The following ABCC1 variants were observed in gnomAD, a reference collection of about 807,000 sequenced individuals.
ABCC1 encodes the protein multidrug resistance-associated protein 1.
Under a neutral mutation model 172.9 loss-of-function variants are expected in ABCC1, and 83 were observed. The observed-to-expected ratio is 0.48, with a 90% CI of 0.40 to 0.58. ABCC1 has a LOEUF of 0.58. Ranked by LOEUF, ABCC1 falls within the 20% of genes least tolerant of loss-of-function variation. The pLI is 0.00. For missense variants in ABCC1, 1,817 were observed against 2,002.7 expected (o/e 0.91, Z 1.77); for synonymous variants, 937 against 825.2 (o/e 1.14, Z -2.32).
At chr16:15,960,243 G>A (rs933440756) in intron 1 of ABCC1, among the ~76,000 whole-genome samples, 1 of 151,664 alleles carries the variant, frequency 6.6e-6, no homozygotes, top group African/African-American at 2.4e-5. Context: ...AGCACACCCG[G>A]CTAATTTTTG....
chr16:16,036,099 G>A (rs1271956345), intron 6 of ABCC1, among the ~76,000 whole-genome samples: 2 of 151,982 alleles, frequency 1.3e-5, no homozygotes, highest in East Asian at 3.9e-4. Context: ...ACTCCATCCT[G>A]GGTGACACAG....
intron 11 of ABCC1, among the ~76,000 whole-genome samples, chr16:16,055,738 G>GT (rs1232635116): frequency 2.3e-4 from 34 of 148,446 alleles, no homozygotes; most frequent in Admixed American, 4.0e-4. Flanking sequence ...ATTTGAAGGG[G>GT]TTTTTTTTTT....
At chr16:16,106,905 C>T in intron 21 of ABCC1, 32 bp downstream of exon 21, 1 of 1,613,228 alleles carries the variant, frequency 6.2e-7, no homozygotes, top group Non-Finnish European at 8.5e-7. Context: ...ATGACAGTGG[C>T]TGGAGTTTAT....
intron 1 of ABCC1, among the ~76,000 whole-genome samples, chr16:15,989,041 C>T (rs2046802005): frequency 1.5e-5 from 2 of 133,122 alleles, no homozygotes; most frequent in Admixed American, 1.8e-4. Context: ...TACACTCCAG[C>T]CGAGGAGACA....
chr16:16,123,913 A>G (rs954814866), intron 24 of ABCC1, among the ~76,000 whole-genome samples: 2 of 152,132 alleles, frequency 1.3e-5, no homozygotes, highest in African/African-American at 4.8e-5. Context: ...GCAGCTACTC[A>G]GGCTGAGGCA....
In ABCC1 at chr16:15,999,242, T is replaced by C. The variant is rs144959220; in HGVS notation, c.49-8574T>C. ...GGATGGTCTCCATCTCCTAACCTCA[T>C]GATTCTCCCACCTTGGCCTCCCGAA... On this transcript the variant is annotated intron_variant, in intron 1 of 30. Coordinates refer to ENST00000399410, the MANE Select transcript of ABCC1 (RefSeq NM_004996.4). 1.3e-3 allele frequency among the ~76,000 whole-genome samples: 202 copies of C among 152,138 alleles called. 5 individuals are homozygous for C. The East Asian group carries it at 0.036, about 27-fold the overall frequency.
intron 27 of ABCC1, among the ~76,000 whole-genome samples, chr16:16,132,241 GTGCAGTGGTGTGATCTCAGCCCAC>G (rs2045708278): frequency 6.6e-6 from 1 of 152,128 alleles, no homozygotes; most frequent in South Asian, 2.1e-4. Context: ...CCAGGCTAGA[GTGCAGTGGTGTGATCTCAGCCCAC>G]TGCAGCGGCA....
chr16:16,083,520 A>T lies in ABCC1; in HGVS notation c.2270A>T (p.Asp757Val). 1 of 1,613,292 alleles carries T rather than the reference A, an allele frequency of 6.2e-7. No homozygotes were observed. Among genetic ancestry groups the T allele is most frequent in the Non-Finnish European group, 8.5e-7 (1 of 1,179,708 alleles). Residue 757 changes from aspartate (D) to valine (V), a missense_variant, in exon 17 of 31, where the codon GAT becomes GTT. Asp to Val is a radical substitution (Grantham distance 152). Transcript: ENST00000399410. The stretch of plus-strand genomic sequence containing the variant: ...GACCTGGAAATCCTGCCCAGTGGGG[A>T]TCGGACAGAGATTGGCGAGAAGGTC... ...LPDLEILPSG[D>V]RTEIGEKGVN... is the part of the protein sequence containing the mutation.
At chr16:15,969,367 C>CTTTTT (rs57250944) in intron 1 of ABCC1, among the ~76,000 whole-genome samples, 2 of 131,608 alleles carry the variant, frequency 1.5e-5, no homozygotes, top group Admixed American at 7.6e-5. Flanking sequence ...GCTGGTCAGT[C>CTTTTT]TTTTTTTTTT....
intron 14 of ABCC1, among the ~76,000 whole-genome samples, chr16:16,073,240 GC>G (rs1375823773): frequency 6.6e-6 from 1 of 152,026 alleles, no homozygotes; most frequent in Admixed American, 6.6e-5. Context: ...TCTGAAACTT[GC>G]CTGAGATTGC....
intron 1 of ABCC1, among the ~76,000 whole-genome samples, chr16:15,975,031 C>A (rs942015734): frequency 3.9e-5 from 6 of 152,196 alleles, no homozygotes; most frequent in Admixed American, 3.3e-4. Context: ...AAGTGATCCC[C>A]CCCAGCCTTG....
At chr16:16,034,989 C>T (rs923965570) in intron 6 of ABCC1, among the ~76,000 whole-genome samples, 8 of 152,082 alleles carry the variant, frequency 5.3e-5, no homozygotes, top group Middle Eastern at 3.2e-3. Context: ...ATACTGCAAA[C>T]GTGGCAACGT....
In ABCC1 at chr16:16,136,539, A is replaced by G; in HGVS notation, c.4187A>G (p.Asp1396Gly). 1 of 1,614,160 alleles carries G rather than the reference A, an allele frequency of 6.2e-7. No individual in the cohort carries two copies. The highest frequency in any genetic ancestry group is 8.5e-7 in the Non-Finnish European group (1 of 1,180,026). The change falls in exon 29 of 31, where the codon GAT becomes GGT. Residue 1396 changes from aspartate to glycine, a missense_variant. Asp to Gly is a moderately conservative substitution (Grantham distance 94). Transcript: ENST00000399410. ...CTGGACCCATTCAGCCAGTACTCGG[A>G]TGAAGAAGTCTGGACGTCCCTGGAG... is the stretch of plus-strand genomic sequence containing the variant. ...MNLDPFSQYS[D>G]EEVWTSLELA...
chr16:16,085,300 G>T (rs2050964919), intron 17 of ABCC1, among the ~76,000 whole-genome samples: 1 of 152,202 alleles, frequency 6.6e-6, no homozygotes. Context: ...CTCCCCTGCT[G>T]CTTGCCTGGC....
At chr16:16,069,671 A>T (rs2050257821) in intron 13 of ABCC1, among the ~76,000 whole-genome samples, 2 of 152,104 alleles carry the variant, frequency 1.3e-5, no homozygotes, top group African/African-American at 4.8e-5. Context: ...GAAAAATGTC[A>T]AGTGTACACA....
chr16:15,953,071 C>G (rs542481935), intron 1 of ABCC1, among the ~76,000 whole-genome samples: 4 of 151,834 alleles, frequency 2.6e-5, no homozygotes, highest in African/African-American at 9.7e-5. Context: ...TGTAGTAGAT[C>G]ATGCCTGTAA....
chr16:16,123,494 G>A (rs1039953380), intron 24 of ABCC1, among the ~76,000 whole-genome samples: 4 of 151,964 alleles, frequency 2.6e-5, no homozygotes, highest in Middle Eastern at 3.4e-3. Flanking sequence ...AAAATTAGCC[G>A]GGCATGATGG....
At chr16:15,968,253 C>T (rs1015011444) in intron 1 of ABCC1, among the ~76,000 whole-genome samples, 5 of 152,032 alleles carry the variant, frequency 3.3e-5, no homozygotes, top group East Asian at 3.9e-4. Flanking sequence ...AGGCTGGTCT[C>T]GAATTCCTGA....
chr16:16,128,690 G>A (rs2045548527), intron 26 of ABCC1, among the ~76,000 whole-genome samples: 1 of 152,076 alleles, frequency 6.6e-6, no homozygotes, highest in East Asian at 1.9e-4. Context: ...TACACTTGTT[G>A]TTTTAAAAAA....
Sources: gnomAD v4.1 joint callset for allele counts (sites outside exome capture counted in the v4.1 genomes callset) on GRCh38, gnomAD v4.1.1 for gene constraint, MANE v1.5 for transcripts, NCBI Gene and HGNC (gene_info 2026-07-23, HGNC 2026-07-21) for gene names.